The following GLI2 variants were observed in gnomAD, a reference collection of about 807,000 sequenced individuals.
The protein encoded by GLI2 is transcription activator GLI2.
A neutral mutation model predicts 78.9 loss-of-function variants in GLI2; 22 were observed. That is an observed-to-expected ratio of 0.28 (90% CI 0.20 to 0.40). GLI2 has a LOEUF of 0.40. Ranked by LOEUF, GLI2 falls within the 10% of genes least tolerant of loss-of-function variation. The pLI, the probability that GLI2 is intolerant of heterozygous loss-of-function variation, is 1.00. For synonymous variants in GLI2, 974 were observed against 963.7 expected (o/e 1.01, Z -0.20); for missense variants, 2,097 against 2,213.2 (o/e 0.95, Z 1.05).
In GLI2 at chr2:120,821,893, G is replaced by A. The variant is rs148276159; in HGVS notation, c.148+24425G>A. Among the ~76,000 whole-genome samples the A allele has an allele frequency of 2.1e-3, 327 of 152,280 alleles. 1 individual carries two copies. Among genetic ancestry groups the A allele is most frequent in the African/African-American group, 7.5e-3 (312 of 41,568 alleles). ...ACCGAGCCTCCTTTCCCCTGGGCTG[G>A]GCTGCCACCCGAGGCCCCCACTATG... On this transcript the variant is annotated intron_variant, in intron 2 of 13. Coordinates refer to ENST00000361492, the MANE Select transcript of GLI2 (RefSeq NM_001374353.1).
intron 2 of GLI2, among the ~76,000 whole-genome samples, chr2:120,871,235 T>C (rs1228983750): frequency 3.3e-5 from 5 of 152,244 alleles, no homozygotes; most frequent in Non-Finnish European, 7.3e-5. Flanking sequence ...TGGATGTCCA[T>C]AGGAGCCTCT....
At chr2:120,885,455 G>A (rs1215788791) in intron 2 of GLI2, among the ~76,000 whole-genome samples, 1 of 152,254 alleles carries the variant, frequency 6.6e-6, no homozygotes, top group East Asian at 1.9e-4. Flanking sequence ...GGCCACCCCA[G>A]CCTCGGAAAT....
chr2:120,807,287 G>A (rs1035016142), intron 2 of GLI2, among the ~76,000 whole-genome samples: 20 of 152,252 alleles, frequency 1.3e-4, no homozygotes, highest in East Asian at 1.2e-3. Context: ...GTGCTGATCC[G>A]AACCCCAGTG....
intron 2 of GLI2, among the ~76,000 whole-genome samples, chr2:120,903,687 C>G (rs1678374388): frequency 6.6e-6 from 1 of 152,144 alleles, no homozygotes; most frequent in South Asian, 2.1e-4. Flanking sequence ...GGGTGAGTCT[C>G]TGTCCACTTG....
intron 2 of GLI2, among the ~76,000 whole-genome samples, chr2:120,884,005 C>T (rs1196310549): frequency 6.6e-6 from 1 of 152,194 alleles, no homozygotes; most frequent in Non-Finnish European, 1.5e-5. Context: ...CCCCTGTGTT[C>T]CTGCTCATAC....
chr2:120,852,236 A>G (rs192598361), intron 2 of GLI2, among the ~76,000 whole-genome samples: 246 of 152,304 alleles, frequency 1.6e-3, no homozygotes, highest in African/African-American at 5.4e-3. Flanking sequence ...AGGTTGGAGC[A>G]CATGGAGTCA....
At position 120,799,928 on chromosome 2, in the gene GLI2, G is replaced by A. The variant is rs146741270; in HGVS notation, c.148+2460G>A. Among the ~76,000 whole-genome samples the A allele has an allele frequency of 2.6e-5, 4 of 152,314 alleles. No homozygotes were observed. In the East Asian group the frequency reaches 5.8e-4, roughly 22 times the overall value. On this transcript the variant is annotated intron_variant, in intron 2 of 13. Transcript: ENST00000361492. ...GTTGGCGTGGGTCCCCCTCAGGGGC[G>A]GGGATGCTCTTGTGTTCATCTCTAG...
At chr2:120,848,998 A>G (rs928198257) in intron 2 of GLI2, among the ~76,000 whole-genome samples, 3 of 152,238 alleles carry the variant, frequency 2.0e-5, no homozygotes, top group African/African-American at 7.2e-5. Flanking sequence ...ATAGTATTCA[A>G]CCATCAAAAG....
intron 1 of GLI2, among the ~76,000 whole-genome samples, chr2:120,787,835 G>A (rs1684040549): frequency 6.6e-6 from 1 of 152,016 alleles, no homozygotes; most frequent in South Asian, 2.1e-4. Context: ...GGAGGAAGGT[G>A]ATGGACAATA....
At chr2:120,830,374 A>G (rs570427755) in intron 2 of GLI2, among the ~76,000 whole-genome samples, 5 of 152,314 alleles carry the variant, frequency 3.3e-5, no homozygotes, top group African/African-American at 1.2e-4. Flanking sequence ...AGTCTAGGGC[A>G]CAGGGTGAGT....
Position 120,827,212 on chromosome 2 carries a change from G to A in GLI2, c.148+29744G>A, listed in dbSNP as rs539887413. 3.9e-5 allele frequency among the ~76,000 whole-genome samples: 6 copies of A among 152,328 alleles called. No individual in the cohort carries two copies. In the East Asian group the frequency reaches 7.7e-4, roughly 20 times the overall value. On this transcript the variant is annotated intron_variant, in intron 2 of 13. Coordinates refer to ENST00000361492, the MANE Select transcript of GLI2 (RefSeq NM_001374353.1). ...CGTGGCTGTCTTCTTTCAGGACAGC[G>A]GAGTTGGCACAGCCAAACCCGAGTG...
Position 120,927,209 on chromosome 2 carries a change from C to G in GLI2, c.149-152C>G, listed in dbSNP as rs566139273. The G allele has an allele frequency of 1.1e-4, 80 of 733,674 alleles. 2 individuals are homozygous for G. In the East Asian group the frequency reaches 2.0e-3, roughly 18 times the overall value. The allele number at this position is 733,674 out of a possible 1,614,324, so 45.4% of individuals were successfully genotyped here. On this transcript the variant is annotated intron_variant, in intron 2 of 13. Coordinates refer to ENST00000361492, the MANE Select transcript of GLI2 (RefSeq NM_001374353.1). ...AGACTTTGATTATTTATTCATCCCC[C>G]TTCGTGGGTGTGTGATCGCGCGGGC... is the stretch of plus-strand genomic sequence containing the variant.
intron 2 of GLI2, among the ~76,000 whole-genome samples, chr2:120,876,975 G>A (rs1186606936): frequency 2.0e-5 from 3 of 152,206 alleles, no homozygotes; most frequent in African/African-American, 7.2e-5. Context: ...CATGGAACCT[G>A]GGCTGGTCCA....
At position 120,990,479 on chromosome 2, in the gene GLI2, C is replaced by T. The variant is rs766495260; in HGVS notation, c.4514C>T (p.Ser1505Leu). 7.4e-6 allele frequency: 12 copies of T among 1,613,984 alleles called. No individual in the cohort carries two copies. The South Asian group carries it at 9.9e-5, about 13-fold the overall frequency. Reference sequence around the variant, plus strand: ...GCCATCATGGATGATGGCGATCACTCGAGTTTGTTCTCGGGTGCTCTGAGC... The same window carrying T: ...GCCATCATGGATGATGGCGATCACTTGAGTTTGTTCTCGGGTGCTCTGAGC... ...FDAIMDDGDH[S>L]SLFSGALSPS... is the part of the protein sequence containing the mutation. The change falls in exon 14 of 14, where the codon TCG (serine) becomes TTG (leucine). Residue 1505 changes from serine (S) to leucine (L), a missense_variant. Around this residue, in one of 5 missense-constraint regions of GLI2, gnomAD observed 1,290 missense variants for 1,261.7 expected, o/e 1.02. Coordinates refer to ENST00000361492, the MANE Select transcript of GLI2 (RefSeq NM_001374353.1).
chr2:120,852,719 C>T (rs959431891), intron 2 of GLI2, among the ~76,000 whole-genome samples: 4 of 152,190 alleles, frequency 2.6e-5, no homozygotes, highest in Non-Finnish European at 5.9e-5. Flanking sequence ...CTTTGGCTTG[C>T]AATACAAACA....
intron 1 of GLI2, among the ~76,000 whole-genome samples, chr2:120,745,330 G>A (rs1209177345): frequency 6.6e-6 from 1 of 152,220 alleles, no homozygotes; most frequent in Non-Finnish European, 1.5e-5. Context: ...TGGACAGTTT[G>A]AGTAGGTCTT....
intron 1 of GLI2, among the ~76,000 whole-genome samples, chr2:120,776,956 T>C (rs576087542): frequency 6.6e-6 from 1 of 152,184 alleles, no homozygotes; most frequent in East Asian, 1.9e-4. Flanking sequence ...AGCTGGGAGC[T>C]CCTGTCTCCA....
intron 2 of GLI2, among the ~76,000 whole-genome samples, chr2:120,885,898 C>T (rs1677370939): frequency 6.6e-6 from 1 of 152,094 alleles, no homozygotes; most frequent in Non-Finnish European, 1.5e-5. Flanking sequence ...TCACACAGGG[C>T]CGTGAGCTAA....
chr2:120,988,618 C>G lies in GLI2; in HGVS notation c.2653C>G (p.Pro885Ala). 6 of 1,463,860 alleles carry G rather than the reference C, an allele frequency of 4.1e-6. No individual in the cohort carries two copies. Among genetic ancestry groups the G allele is most frequent in the Non-Finnish European group, 4.5e-6 (5 of 1,113,692 alleles). The allele number at this position is 1,463,860 out of a possible 1,614,324, so 90.7% of individuals were successfully genotyped here. A position where few individuals can be genotyped will look rare whatever the true frequency, so the allele number is the denominator to read the frequency against. Residue 885 changes from proline (P) to alanine (A), a missense_variant, in exon 14 of 14, where the codon CCC becomes GCC. This residue lies in a region of GLI2 where 1,290 missense variants were observed against 1,261.7 expected (regional missense o/e 1.02). Coordinates refer to ENST00000361492, the MANE Select transcript of GLI2 (RefSeq NM_001374353.1). ...CGCGGCAGCCACTGGCGGCCCCCCG[C>G]CCACTCCGCTGCCGGGCCTGGAGCG... ...KYAAATGGPP[P>A]TPLPGLERMS...
Sources: gnomAD v4.1 joint callset for allele counts (sites outside exome capture counted in the v4.1 genomes callset) on GRCh38, gnomAD v4.1.1 for gene constraint, gnomAD v4.1.1 regional missense constraint, MANE v1.5 for transcripts, NCBI Gene and HGNC (gene_info 2026-07-23, HGNC 2026-07-21) for gene names.